EPHB1: variants seen among roughly 807,000 people sequenced by gnomAD.
EPHB1 encodes ephrin type-B receptor 1.
A neutral mutation model predicts 94.4 loss-of-function variants in EPHB1; 30 were observed. That is an observed-to-expected ratio of 0.32 (90% CI 0.24 to 0.43). The LOEUF (loss-of-function observed/expected upper bound fraction) is 0.43. Ranked by LOEUF, EPHB1 falls within the 20% of genes least tolerant of loss-of-function variation. The pLI, the probability that EPHB1 is intolerant of heterozygous loss-of-function variation, is 1.00. For missense variants in EPHB1, 1,055 were observed against 1,308.3 expected, an observed-to-expected ratio of 0.81 and a Z score of 2.99; for synonymous variants, 522 against 489.1, an observed-to-expected ratio of 1.07 and a Z score of -0.89.
At chr3:135,134,484 T>G (rs1283329213) in intron 5 of EPHB1, among the ~76,000 whole-genome samples, 1 of 152,116 alleles carries the variant, frequency 6.6e-6, no homozygotes, top group Non-Finnish European at 1.5e-5. Context: ...CTGCTGTGTG[T>G]GGGTGTGTGT....
chr3:135,100,304 C>T (rs894952989), intron 3 of EPHB1, among the ~76,000 whole-genome samples: 3 of 152,006 alleles, frequency 2.0e-5, no homozygotes, highest in African/African-American at 4.8e-5. Flanking sequence ...AGAGGTAACA[C>T]GCACCCTCCA....
intron 9 of EPHB1, among the ~76,000 whole-genome samples, chr3:135,169,861 G>T (rs1474332250): frequency 6.6e-6 from 1 of 152,210 alleles, no homozygotes; most frequent in Non-Finnish European, 1.5e-5. Flanking sequence ...CGGCTGCAGA[G>T]CCCATGCTCT....
intron 1 of EPHB1, among the ~76,000 whole-genome samples, chr3:134,857,094 T>A (rs2037138179): frequency 6.6e-6 from 1 of 152,176 alleles, no homozygotes; most frequent in Admixed American, 6.5e-5. Flanking sequence ...GGAAAGGGCC[T>A]GATGCCAGAA....
At chr3:135,120,529 C>T (rs1939908627) in intron 4 of EPHB1, among the ~76,000 whole-genome samples, 1 of 152,168 alleles carries the variant, frequency 6.6e-6, no homozygotes, top group South Asian at 2.1e-4. Flanking sequence ...GATACACTGA[C>T]CACCAAGGTT....
intron 11 of EPHB1, among the ~76,000 whole-genome samples, chr3:135,200,640 A>C (rs1942727320): frequency 6.6e-6 from 1 of 152,220 alleles, no homozygotes; most frequent in Non-Finnish European, 1.5e-5. Flanking sequence ...GTGACCAAAA[A>C]GGACAGAGTT....
chr3:135,151,418 G>A (rs148315298), intron 5 of EPHB1, among the ~76,000 whole-genome samples: 1 of 152,104 alleles, frequency 6.6e-6, no homozygotes, highest in Non-Finnish European at 1.5e-5. Flanking sequence ...CTTCAACCCT[G>A]TGCTCCTGCA....
chr3:134,907,395 G>A (rs929168824), intron 1 of EPHB1, among the ~76,000 whole-genome samples: 1 of 152,178 alleles, frequency 6.6e-6, no homozygotes, highest in Non-Finnish European at 1.5e-5. Context: ...AAGGGCAGAT[G>A]GGCCCAAAGT....
chr3:134,993,281 G>C (rs1934879170), intron 3 of EPHB1, among the ~76,000 whole-genome samples: 1 of 152,230 alleles, frequency 6.6e-6, no homozygotes, highest in South Asian at 2.1e-4. Context: ...GAAACAGATA[G>C]ATCTCATCCT....
intron 3 of EPHB1, among the ~76,000 whole-genome samples, chr3:135,001,408 C>G (rs564112257): frequency 6.6e-6 from 1 of 152,168 alleles, no homozygotes; most frequent in Non-Finnish European, 1.5e-5. Context: ...CTCCATCTCC[C>G]AGGGCTGTTC....
intron 6 of EPHB1, among the ~76,000 whole-genome samples, chr3:135,156,035 A>C (rs1347518640): frequency 6.6e-6 from 1 of 152,054 alleles, no homozygotes; most frequent in Non-Finnish European, 1.5e-5. Flanking sequence ...CAGAGCCAAC[A>C]GGATTTCCAG....
chr3:135,074,602 C>A (rs2107783598), intron 3 of EPHB1, among the ~76,000 whole-genome samples: 1 of 152,318 alleles, frequency 6.6e-6, no homozygotes, highest in Non-Finnish European at 1.5e-5. Context: ...TCGAAACCTG[C>A]TGATGTGTTT....
intron 2 of EPHB1, among the ~76,000 whole-genome samples, chr3:134,945,434 T>C (rs1434757950): frequency 6.6e-6 from 1 of 152,168 alleles, no homozygotes; most frequent in Non-Finnish European, 1.5e-5. Context: ...ACAAAAGTTA[T>C]GTTTTCTTTT....
chr3:135,252,463 G>A, intron 15 of EPHB1, among the ~76,000 whole-genome samples: 1 of 146,962 alleles, frequency 6.8e-6, no homozygotes, highest in Admixed American at 6.8e-5. Flanking sequence ...AGAATATGCG[G>A]TGTTTGGTTT....
intron 1 of EPHB1, among the ~76,000 whole-genome samples, chr3:134,840,072 C>CACCTCCG (rs1297660384): frequency 1.3e-5 from 2 of 152,214 alleles, no homozygotes; most frequent in Non-Finnish European, 2.9e-5. Context: ...CTCCACTTGG[C>CACCTCCG]ACCTCCGTTA....
At chr3:135,214,039 C>A (rs1380576862) in intron 12 of EPHB1, among the ~76,000 whole-genome samples, 1 of 152,172 alleles carries the variant, frequency 6.6e-6, no homozygotes, top group African/African-American at 2.4e-5. Flanking sequence ...CTCCCGGTTC[C>A]TCTCACACTC....
chr3:134,922,007 G>T (rs114916202), intron 1 of EPHB1, among the ~76,000 whole-genome samples: 2 of 152,190 alleles, frequency 1.3e-5, no homozygotes, highest in Non-Finnish European at 2.9e-5. Flanking sequence ...CCATGCGTGT[G>T]CCCTTCCCGG....
chr3:134,909,112 G>GT, intron 1 of EPHB1, among the ~76,000 whole-genome samples: 1 of 114,360 alleles, frequency 8.7e-6, no homozygotes, highest in African/African-American at 3.3e-5. Flanking sequence ...CACAAGGTGG[G>GT]GGCGGGGGGC....
rs1280362254 is a variant in EPHB1, at chr3:135,260,281, T to C, written c.*1161T>C. The C allele has an allele frequency of 2.1e-5, 5 of 233,034 alleles. No homozygotes were observed. Among genetic ancestry groups the C allele is most frequent in the Non-Finnish European group, 4.2e-5 (5 of 117,718 alleles). 14.4% of individuals were successfully genotyped at this position (233,034 alleles called of 1,614,324 possible). ...ATGGACTGGCTTAAGCCGTGTGGCA[T>C]CCGAGGAATGTTTCAAATGTGTCTG... On this transcript the variant is annotated 3_prime_UTR_variant, in exon 16 of 16. Coordinates refer to ENST00000398015, the MANE Select transcript of EPHB1 (RefSeq NM_004441.5).
Position 135,145,499 on chromosome 3 carries a change from T to C in EPHB1, c.1298-8653T>C, listed in dbSNP as rs540539000. ...GAGTCTGGGTTGGGGAGATAGAAAA[T>C]GGACTGGCTTCAAGGCCCTAGCAGC... On this transcript the variant is annotated intron_variant, in intron 5 of 15. Transcript: ENST00000398015. Among the ~76,000 whole-genome samples the C allele has an allele frequency of 3.3e-5, 5 of 152,236 alleles. No individual in the cohort carries two copies. The South Asian group carries it at 1.0e-3, about 32-fold the overall frequency.
Sources: gnomAD v4.1 joint callset for allele counts (sites outside exome capture counted in the v4.1 genomes callset) on GRCh38, gnomAD v4.1.1 for gene constraint, MANE v1.5 for transcripts, NCBI Gene and HGNC (gene_info 2026-07-23, HGNC 2026-07-21) for gene names.